SOX6: variants seen among roughly 807,000 people sequenced by gnomAD.
SOX6 encodes transcription factor SOX-6.
In SOX6, 11 loss-of-function variants were observed where a neutral mutation model predicts 97.8. The ratio of observed to expected loss-of-function variants is 0.11; its 90% confidence interval spans 0.07 to 0.19. SOX6 has a LOEUF of 0.19. Ranked by LOEUF, SOX6 falls within the 10% of genes least tolerant of loss-of-function variation. The pLI is 1.00. For synonymous variants in SOX6, 360 were observed against 371.4 expected (o/e 0.97, Z 0.35); for missense variants, 810 against 1,039.5 (o/e 0.78, Z 3.04).
intron 3 of SOX6, among the ~76,000 whole-genome samples, chr11:16,666,085 C>T (rs1811869970): frequency 6.6e-6 from 1 of 152,170 alleles, no homozygotes; most frequent in Admixed American, 6.5e-5. Context: ...CCACAATGGA[C>T]AGATACAAAC....
At chr11:16,141,081 T>A (rs774059535) in intron 6 of SOX6, among the ~76,000 whole-genome samples, 1 of 150,932 alleles carries the variant, frequency 6.6e-6, no homozygotes, top group African/African-American at 2.4e-5. Flanking sequence ...ACTGCTGCAC[T>A]CTAGCCTAGG....
chr11:16,468,396 T>C lies in SOX6; in HGVS notation c.-5+7919A>G, dbSNP rs549630969. ...TAATTATTTTGCTATAATGTGTAAG[T>C]TGTTTTGCAGGCATCTGAAAATACT... On this transcript the variant is annotated intron_variant, in intron 1 of 15. Transcript: ENST00000396356. Among the ~76,000 whole-genome samples, 5 of 152,322 alleles carry C rather than the reference T, an allele frequency of 3.3e-5. No homozygotes were observed. The South Asian group carries it at 1.0e-3, about 32-fold the overall frequency.
chr11:16,543,060 T>A (rs993347146), intron 4 of SOX6, among the ~76,000 whole-genome samples: 1 of 151,972 alleles, frequency 6.6e-6, no homozygotes, highest in African/African-American at 2.4e-5. Flanking sequence ...ATGCTGCTAT[T>A]AGAAAACTTA....
rs540279207 is a variant in SOX6 at position 16,302,534 on chromosome 11, T to C, written c.445+15912A>G. On this transcript the variant is annotated intron_variant, in intron 3 of 15. Transcript: ENST00000683767. The stretch of plus-strand genomic sequence containing the variant: ...AGAAAAAAATTATGGTTTCCTCTTC[T>C]ATACTTCTACAGCATTTTTTTTTCT... Among the ~76,000 whole-genome samples, 4 of 151,508 alleles carry C rather than the reference T, an allele frequency of 2.6e-5. No homozygotes were observed. In the South Asian group the frequency reaches 8.3e-4, roughly 32 times the overall value.
intron 13 of SOX6, among the ~76,000 whole-genome samples, chr11:15,999,638 T>C (rs958534791): frequency 6.6e-6 from 1 of 152,104 alleles, no homozygotes; most frequent in African/African-American, 2.4e-5. Context: ...ACCTGAAAAG[T>C]AGGTGACATA....
intron 13 of SOX6, among the ~76,000 whole-genome samples, chr11:15,994,147 A>G (rs1854151782): frequency 6.6e-6 from 1 of 152,248 alleles, no homozygotes; most frequent in Non-Finnish European, 1.5e-5. Flanking sequence ...CACATAAATT[A>G]AAAATTACAA....
At chr11:16,328,250 T>G (rs1856162661) in intron 2 of SOX6, among the ~76,000 whole-genome samples, 1 of 152,174 alleles carries the variant, frequency 6.6e-6, no homozygotes, top group Non-Finnish European at 1.5e-5. Flanking sequence ...CGTTCTATGG[T>G]TCACTATGGT....
chr11:16,497,892 T>C (rs988748679), intron 4 of SOX6, among the ~76,000 whole-genome samples: 13 of 152,234 alleles, frequency 8.5e-5, no homozygotes, highest in African/African-American at 3.1e-4. Flanking sequence ...GAAAACACTC[T>C]GCAGGATATT....
At chr11:16,639,297 A>C (rs1322335676) in intron 3 of SOX6, among the ~76,000 whole-genome samples, 1 of 152,196 alleles carries the variant, frequency 6.6e-6, no homozygotes, top group East Asian at 1.9e-4. Context: ...TACCAGTACC[A>C]TGATGTTTTA....
intron 1 of SOX6, among the ~76,000 whole-genome samples, chr11:16,367,294 G>T (rs568480272): frequency 1.3e-5 from 2 of 152,204 alleles, no homozygotes; most frequent in South Asian, 4.1e-4. Flanking sequence ...TTTCAACTGG[G>T]TCCAAATGAA....
At chr11:16,269,561 T>G (rs897890047) in intron 3 of SOX6, among the ~76,000 whole-genome samples, 3 of 151,004 alleles carry the variant, frequency 2.0e-5, no homozygotes, top group Admixed American at 1.3e-4. Flanking sequence ...TGAGTTGCCC[T>G]ATCCACCAAA....
chr11:16,672,180 C>G (rs1334163010), intron 3 of SOX6, among the ~76,000 whole-genome samples: 1 of 152,166 alleles, frequency 6.6e-6, no homozygotes, highest in Non-Finnish European at 1.5e-5. Flanking sequence ...AATGTTACCA[C>G]CTAATACAAA....
intron 6 of SOX6, among the ~76,000 whole-genome samples, chr11:16,151,197 G>T (rs1451859789): frequency 6.6e-6 from 1 of 151,946 alleles, no homozygotes; most frequent in Admixed American, 6.6e-5. Flanking sequence ...GATTTAAAAG[G>T]TGTTTTGCAA....
chr11:16,099,919 C>T (rs1848900039), intron 7 of SOX6, among the ~76,000 whole-genome samples: 1 of 151,650 alleles, frequency 6.6e-6, no homozygotes, highest in South Asian at 2.1e-4. Context: ...CATAACATAT[C>T]ATTGTTTCAA....
rs559377794 is a variant in SOX6 at position 16,486,005 on chromosome 11, G to A, written n.610-9617C>T. Among the ~76,000 whole-genome samples, 103 of 91,692 alleles carry A rather than the reference G, an allele frequency of 1.1e-3. 6 individuals are homozygous for A. The highest frequency in any genetic ancestry group is 4.8e-3 in the African/African-American group (98 of 20,622). 60.2% of individuals were successfully genotyped at this position (91,692 alleles called of 152,430 possible). A position where few individuals can be genotyped will look rare whatever the true frequency, so the allele number is the denominator to read the frequency against. ...GGGGAGGGGAGGGGAGGGGAAGGAAGGGAATATTTAGAAGACCTCCTGTCA... is the reference window on the plus strand; with the variant it reads ...GGGGAGGGGAGGGGAGGGGAAGGAAAGGAATATTTAGAAGACCTCCTGTCA... On this transcript the variant is annotated intron_variant and non_coding_transcript_variant, in intron 4 of 5. Transcript: ENST00000524520.
chr11:16,252,532 G>A (rs941725649), intron 3 of SOX6: 2 of 152,260 alleles, frequency 1.3e-5, no homozygotes, highest in Non-Finnish European at 2.9e-5. Flanking sequence ...ACTTTGGGGA[G>A]TTTTACCTCC....
At chr11:16,389,388 C>G (rs548246138) in intron 1 of SOX6, among the ~76,000 whole-genome samples, 1 of 152,172 alleles carries the variant, frequency 6.6e-6, no homozygotes, top group Non-Finnish European at 1.5e-5. Context: ...CCTGGCCTCT[C>G]TGTTCTTTAA....
At chr11:16,386,513 T>C (rs1448987918) in intron 1 of SOX6, among the ~76,000 whole-genome samples, 2 of 152,092 alleles carry the variant, frequency 1.3e-5, no homozygotes, top group African/African-American at 4.8e-5. Context: ...TCTATTCCTA[T>C]TTCCTGACAC....
At chr11:16,697,593 G>A (rs980894658) in intron 3 of SOX6, among the ~76,000 whole-genome samples, 2 of 152,192 alleles carry the variant, frequency 1.3e-5, no homozygotes, top group Non-Finnish European at 2.9e-5. Context: ...CTGGGTGACA[G>A]AGTGAGACTC....
Sources: allele counts gnomAD v4.1 joint callset (sites outside exome capture counted in the v4.1 genomes callset), GRCh38; gene constraint gnomAD v4.1.1; transcripts MANE v1.5; gene names NCBI Gene and HGNC (gene_info 2026-07-23, HGNC 2026-07-21).